ADGRL2: variants seen among roughly 807,000 people sequenced by gnomAD.
ADGRL2 encodes calcium-independent alpha-latrotoxin receptor 2.
Under a neutral mutation model 157.4 loss-of-function variants are expected in ADGRL2, and 44 were observed. The observed-to-expected ratio is 0.28, with a 90% CI of 0.22 to 0.36. The LOEUF (loss-of-function observed/expected upper bound fraction) is 0.36. Ranked by LOEUF, ADGRL2 falls within the 10% of genes least tolerant of loss-of-function variation. The probability of loss-of-function intolerance (pLI) is 1.00; values close to 1 mark genes in which losing one functional copy is unlikely to be tolerated. For missense variants in ADGRL2, 1,510 were observed against 1,768.9 expected, an observed-to-expected ratio of 0.85 and a Z score of 2.63; for synonymous variants, 585 against 624.7, an observed-to-expected ratio of 0.94 and a Z score of 0.95.
intron 3 of ADGRL2, among the ~76,000 whole-genome samples, chr1:81,930,910 T>C (rs894970562): frequency 2.0e-5 from 3 of 152,056 alleles, no homozygotes; most frequent in African/African-American, 7.2e-5. Flanking sequence ...GGCGGGTGGA[T>C]CACCTGAGGT....
In ADGRL2 at chr1:81,675,908, C is replaced by G. The variant is rs574871917; in HGVS notation, c.-142-85903C>G. Among the ~76,000 whole-genome samples, 211 of 152,010 alleles carry G rather than the reference C, an allele frequency of 1.4e-3. 1 individual carries two copies. The highest frequency in any genetic ancestry group is 2.1e-3 in the Non-Finnish European group (141 of 68,014). On this transcript the variant is annotated intron_variant, in intron 3 of 24. Transcript: ENST00000370721. ...AAACAGTTTTAAGAAAATGATTTCA[C>G]GCAAAATGAAGGTTTTAAATTGGTC...
chr1:81,631,881 C>G (rs187858252), intron 3 of ADGRL2, among the ~76,000 whole-genome samples: 5 of 152,188 alleles, frequency 3.3e-5, no homozygotes, highest in Admixed American at 1.3e-4. Context: ...AAATTTGGAA[C>G]GTTTTCCTTG....
intron 1 of ADGRL2, among the ~76,000 whole-genome samples, chr1:81,349,532 C>CTTTAAA (rs1203973896): frequency 3.3e-5 from 5 of 151,970 alleles, no homozygotes; most frequent in African/African-American, 1.2e-4. Context: ...ATTTAGAACT[C>CTTTAAA]TTTAAAGAAG....
chr1:81,346,567 C>T (rs887147942), intron 1 of ADGRL2, among the ~76,000 whole-genome samples: 3 of 151,970 alleles, frequency 2.0e-5, no homozygotes, highest in African/African-American at 7.3e-5. Flanking sequence ...AAAGTGGAGC[C>T]CTAATTCAGT....
At chr1:81,785,230 G>A (rs2149395243) in intron 2 of ADGRL2, among the ~76,000 whole-genome samples, 1 of 152,182 alleles carries the variant, frequency 6.6e-6, no homozygotes, top group Admixed American at 6.5e-5. Context: ...TGGTAGGCAG[G>A]AGTTTGTGTG....
At chr1:81,597,514 C>T (rs578039173) in intron 3 of ADGRL2, among the ~76,000 whole-genome samples, 11 of 152,220 alleles carry the variant, frequency 7.2e-5, no homozygotes, top group Admixed American at 2.0e-4. Context: ...AGCATGTGTA[C>T]GTATATTATC....
At chr1:81,660,447 CT>C (rs2082627231) in intron 3 of ADGRL2, among the ~76,000 whole-genome samples, 1 of 152,054 alleles carries the variant, frequency 6.6e-6, no homozygotes, top group Non-Finnish European at 1.5e-5. Flanking sequence ...AACCAGCAAC[CT>C]TACCCTTATT....
chr1:81,496,330 T>C (rs2078728734), intron 2 of ADGRL2, among the ~76,000 whole-genome samples: 1 of 152,140 alleles, frequency 6.6e-6, no homozygotes, highest in African/African-American at 2.4e-5. Flanking sequence ...AAACTATTAA[T>C]AAAATGTCTG....
chr1:81,703,037 G>A (rs921354607), intron 1 of ADGRL2, among the ~76,000 whole-genome samples: 1 of 152,142 alleles, frequency 6.6e-6, no homozygotes, highest in Non-Finnish European at 1.5e-5. Flanking sequence ...AGTTCAGGAT[G>A]GTCAATCGCG....
chr1:81,788,513 C>T (rs1460768464), intron 2 of ADGRL2, among the ~76,000 whole-genome samples: 12 of 152,182 alleles, frequency 7.9e-5, no homozygotes, highest in African/African-American at 2.9e-4. Context: ...GCTTCCTGTA[C>T]AATCTGAAGA....
chr1:81,876,358 A>G (rs2093841651), intron 2 of ADGRL2, among the ~76,000 whole-genome samples: 1 of 152,116 alleles, frequency 6.6e-6, no homozygotes, highest in African/African-American at 2.4e-5. Flanking sequence ...TAAGAATCCC[A>G]ACATTTGTTT....
chr1:81,375,137 T>C (rs1048650585), intron 1 of ADGRL2, among the ~76,000 whole-genome samples: 1 of 152,206 alleles, frequency 6.6e-6, no homozygotes, highest in South Asian at 2.1e-4. Flanking sequence ...TAAAAAGATG[T>C]GAGCACCTGT....
At chr1:81,357,062 T>C (rs1663369420) in intron 1 of ADGRL2, among the ~76,000 whole-genome samples, 1 of 150,508 alleles carries the variant, frequency 6.6e-6, no homozygotes, top group Non-Finnish European at 1.5e-5. Context: ...GTCCAAGGAA[T>C]AGCTAGGTAA....
chr1:81,984,068 AGTCTTGTCATTATACAGAG>A (rs969668072), intron 19 of ADGRL2, among the ~76,000 whole-genome samples: 2 of 152,058 alleles, frequency 1.3e-5, no homozygotes, highest in Admixed American at 1.3e-4. Context: ...GTGCCAAAGT[AGTCTTGTCATTATACAGAG>A]GTTACCCGCA....
chr1:81,852,642 C>T (rs1413717149), intron 2 of ADGRL2, among the ~76,000 whole-genome samples: 1 of 151,924 alleles, frequency 6.6e-6, no homozygotes, highest in African/African-American at 2.4e-5. Context: ...AATTTATTTT[C>T]CTTTTTATTT....
chr1:81,804,609 T>C (rs536396605), intron 1 of ADGRL2, among the ~76,000 whole-genome samples: 12 of 152,366 alleles, frequency 7.9e-5, no homozygotes, highest in African/African-American at 2.9e-4. Context: ...TGTCTATTGC[T>C]GTGGAGCCCT....
intron 2 of ADGRL2, among the ~76,000 whole-genome samples, chr1:81,762,921 G>A (rs2085939630): frequency 6.6e-6 from 1 of 151,680 alleles, no homozygotes; most frequent in African/African-American, 2.4e-5. Context: ...GTGTGGTGGT[G>A]AGCCCCTGTA....
At chr1:81,364,498 A>G (rs1268098613) in intron 1 of ADGRL2, among the ~76,000 whole-genome samples, 1 of 124,844 alleles carries the variant, frequency 8.0e-6, no homozygotes, top group African/African-American at 2.5e-5. Context: ...CCTGACATGA[A>G]ATGTAAAAAC....
chr1:81,871,856 A>G (rs976382786), intron 2 of ADGRL2, among the ~76,000 whole-genome samples: 4 of 152,118 alleles, frequency 2.6e-5, no homozygotes, highest in African/African-American at 9.7e-5. Context: ...GGTAGATTGC[A>G]AAAATTTTCT....
Sources: allele counts gnomAD v4.1 joint callset (sites outside exome capture counted in the v4.1 genomes callset), GRCh38; gene constraint gnomAD v4.1.1; transcripts MANE v1.5; gene names NCBI Gene and HGNC (gene_info 2026-07-23, HGNC 2026-07-21).